Variants in NSL1 observed in about 807,000 individuals in gnomAD.
The protein encoded by NSL1 is NSL1 component of MIS12 kinetochore complex.
A neutral mutation model predicts 25.4 loss-of-function variants in NSL1; 11 were observed. That is an observed-to-expected ratio of 0.43 (90% CI 0.27 to 0.72). The LOEUF (loss-of-function observed/expected upper bound fraction) is 0.72, where lower values mean the gene tolerates loss of function less well. NSL1 is among the 30% of genes least tolerant of loss of function. The pLI is 0.19. For synonymous variants in NSL1, 118 were observed against 120.6 expected (o/e 0.98, Z 0.14); for missense variants, 330 against 342.7 (o/e 0.96, Z 0.29).
chr1:212,779,394 C>A (rs1467275086), intron 4 of NSL1, among the ~76,000 whole-genome samples: 1 of 143,214 alleles, frequency 7.0e-6, no homozygotes, highest in African/African-American at 2.6e-5. Context: ...GGGGTCAGCC[C>A]CCCGCCCGGC....
At chr1:212,761,997 A>G (rs1416013284) in intron 4 of NSL1, among the ~76,000 whole-genome samples, 1 of 146,822 alleles carries the variant, frequency 6.8e-6, no homozygotes, top group Non-Finnish European at 1.5e-5. Flanking sequence ...AAAAAAAATC[A>G]TGTTTTAAGA....
In NSL1 at chr1:212,779,321, G is replaced by A. The variant is rs1305574251; in HGVS notation, c.499+3051C>T. 5.7e-4 allele frequency among the ~76,000 whole-genome samples: 81 copies of A among 142,674 alleles called. No individual in the cohort carries two copies. The East Asian group carries it at 0.012, about 21-fold the overall frequency. The allele number at this position is 142,674 out of a possible 152,430, so 93.6% of individuals were successfully genotyped here. ...CCCCGCCCAGCCAGCCGCCCCGTCC[G>A]GGAGGGAGGTGGGGGGGTCAGCCCC... is the stretch of plus-strand genomic sequence containing the variant. On this transcript the variant is annotated intron_variant, in intron 4 of 5. Coordinates refer to ENST00000366977, the MANE Select transcript of NSL1 (RefSeq NM_015471.4).
intron 4 of NSL1, among the ~76,000 whole-genome samples, chr1:212,745,201 T>TGC (rs1658729939): frequency 1.3e-5 from 1 of 78,990 alleles, no homozygotes; most frequent in African/African-American, 7.2e-5. Context: ...TATATATATA[T>TGC]ATGCATATGC....
At position 212,731,391 on chromosome 1, in the gene NSL1, A is replaced by G; in HGVS notation, c.*7017T>C. 2 of 984,032 alleles carry G rather than the reference A, an allele frequency of 2.0e-6. No homozygotes were observed. The highest frequency in any genetic ancestry group is 9.4e-5 in the South Asian group (2 of 21,254). 61.0% of individuals were successfully genotyped at this position (984,032 alleles called of 1,614,324 possible). A position where few individuals can be genotyped will look rare whatever the true frequency, so the allele number is the denominator to read the frequency against. ...GGCAATATGGCGAGACCCCATCTCT[A>G]AAACAAATAAACTAGCCGGGCATGG... On this transcript the variant is annotated 3_prime_UTR_variant, in exon 6 of 6. Transcript: ENST00000366977.
chr1:212,737,838 A>G lies in NSL1; in HGVS notation c.*570T>C. 10 of 985,332 alleles carry G rather than the reference A, an allele frequency of 1.0e-5. No individual in the cohort carries two copies. The highest frequency in any genetic ancestry group is 1.2e-5 in the Non-Finnish European group (10 of 829,850). The allele number at this position is 985,332 out of a possible 1,614,324, so 61.0% of individuals were successfully genotyped here. On this transcript the variant is annotated 3_prime_UTR_variant, in exon 6 of 6. Coordinates refer to ENST00000366977, the MANE Select transcript of NSL1 (RefSeq NM_015471.4). ...ATTGTCTTACACAACAAAAAATCCTAAAGTTAATCTCACAAACCTAAATTA... is the reference window on the plus strand; with the variant it reads ...ATTGTCTTACACAACAAAAAATCCTGAAGTTAATCTCACAAACCTAAATTA...
intron 4 of NSL1, among the ~76,000 whole-genome samples, chr1:212,744,723 A>G (rs1658676488): frequency 6.6e-6 from 1 of 152,234 alleles, no homozygotes; most frequent in Non-Finnish European, 1.5e-5. Flanking sequence ...CTGAAATGAA[A>G]AACTCAGAGG....
intron 4 of NSL1, among the ~76,000 whole-genome samples, chr1:212,770,493 C>CAA (rs142897735): frequency 6.6e-6 from 1 of 151,328 alleles, no homozygotes; most frequent in African/African-American, 2.4e-5. Context: ...AACAAACAAA[C>CAA]AAAAAAACCA....
At chr1:212,769,904 G>T (rs896360222) in intron 4 of NSL1, among the ~76,000 whole-genome samples, 6 of 152,060 alleles carry the variant, frequency 3.9e-5, no homozygotes, top group African/African-American at 1.4e-4. Flanking sequence ...ACAAATAATA[G>T]CTTAATGGAT....
At chr1:212,766,279 A>C (rs1659812966) in intron 4 of NSL1, 1 of 625,994 alleles carries the variant, frequency 1.6e-6, no homozygotes, top group East Asian at 2.9e-5. Flanking sequence ...GAGAACTGGA[A>C]CAAGACAAAG....
At position 212,729,665 on chromosome 1, in the gene NSL1, C is replaced by T. The variant is rs933213920; in HGVS notation, c.*8743G>A. On this transcript the variant is annotated 3_prime_UTR_variant, in exon 6 of 6. Coordinates refer to ENST00000366977, the MANE Select transcript of NSL1 (RefSeq NM_015471.4). ...AGAGAATTCGAACACTTATTTTAACCTTTTCACCAAATTTTTGTCAGAGAA... is the reference window on the plus strand; with the variant it reads ...AGAGAATTCGAACACTTATTTTAACTTTTTCACCAAATTTTTGTCAGAGAA... The T allele has an allele frequency of 5.1e-6, 5 of 985,296 alleles. No homozygotes were observed. In the African/African-American group the frequency reaches 8.7e-5, roughly 17 times the overall value. 61.0% of individuals were successfully genotyped at this position (985,296 alleles called of 1,614,324 possible).
Position 212,733,928 on chromosome 1 carries a change from G to A in NSL1, c.*4480C>T, listed in dbSNP as rs1003653166. Among the ~76,000 whole-genome samples, 1 of 152,094 alleles carries A rather than the reference G, an allele frequency of 6.6e-6. No individual in the cohort carries two copies. The highest frequency in any genetic ancestry group is 1.9e-4 in the East Asian group (1 of 5,198). On this transcript the variant is annotated 3_prime_UTR_variant, in exon 6 of 6. Coordinates refer to ENST00000366977, the MANE Select transcript of NSL1 (RefSeq NM_015471.4). ...CTGGAATGGGTATCGATTAGACTTTGAACTTTATGAACTTATTCTCTTTAT... is the reference window on the plus strand; with the variant it reads ...CTGGAATGGGTATCGATTAGACTTTAAACTTTATGAACTTATTCTCTTTAT...
Position 212,728,415 on chromosome 1 carries a change from T to TA in NSL1, c.*9992dup, listed in dbSNP as rs1371846113. ...CCTTTTACCCAATCTGGGACACTAT[T>TA]ACAGTTGTGGCTTTACTCAATCTCT... On this transcript the variant is annotated 3_prime_UTR_variant, in exon 6 of 6. Coordinates refer to ENST00000366977, the MANE Select transcript of NSL1 (RefSeq NM_015471.4). 2.0e-6 allele frequency: 2 copies of TA among 985,326 alleles called. No homozygotes were observed. The highest frequency in any genetic ancestry group is 2.3e-4 in the East Asian group (2 of 8,834). 61.0% of individuals were successfully genotyped at this position (985,326 alleles called of 1,614,324 possible). A position where few individuals can be genotyped will look rare whatever the true frequency, so the allele number is the denominator to read the frequency against.
intron 4 of NSL1, among the ~76,000 whole-genome samples, chr1:212,745,829 G>A (rs1658765610): frequency 6.6e-6 from 1 of 152,156 alleles, no homozygotes; most frequent in Admixed American, 6.5e-5. Context: ...GCTGGGCTTG[G>A]TGGCACATGC....
At chr1:212,751,646 TTTC>T (rs988250877) in intron 4 of NSL1, among the ~76,000 whole-genome samples, 7 of 152,356 alleles carry the variant, frequency 4.6e-5, no homozygotes, top group Middle Eastern at 3.4e-3. Flanking sequence ...GGTACCTTTT[TTTC>T]TTTTTAAATG....
Position 212,727,354 on chromosome 1 carries a change from A to G in NSL1, c.*11054T>C. 1.0e-6 allele frequency: 1 copy of G among 985,378 alleles called. No individual in the cohort carries two copies. Among genetic ancestry groups the G allele is most frequent in the Non-Finnish European group, 1.2e-6 (1 of 829,884 alleles). The allele number at this position is 985,378 out of a possible 1,614,324, so 61.0% of individuals were successfully genotyped here. On this transcript the variant is annotated 3_prime_UTR_variant, in exon 6 of 6. Transcript: ENST00000366977. ...GGCAGTAAGTCCTGGCACTCAGCAC[A>G]TGGCAGGAAGGTCACTTAACCAGGG...
Position 212,732,163 on chromosome 1 carries a change from A to G in NSL1, c.*6245T>C, listed in dbSNP as rs1273311127. On this transcript the variant is annotated 3_prime_UTR_variant, in exon 6 of 6. Transcript: ENST00000366977. ...TTGTACAGCTTTCTGCCTCTACTGT[A>G]GTGAATAACTGCCTTATTTTTTGTT... 1 of 984,580 alleles carries G rather than the reference A, an allele frequency of 1.0e-6. No homozygotes were observed. Among genetic ancestry groups the G allele is most frequent in the Non-Finnish European group, 1.2e-6 (1 of 829,592 alleles). The allele number at this position is 984,580 out of a possible 1,614,324, so 61.0% of individuals were successfully genotyped here.
rs1349620894 is a variant in NSL1, at chr1:212,766,174, A to C, written c.499+16198T>G. 8.6e-5 allele frequency: 52 copies of C among 607,944 alleles called. No homozygotes were observed. In the East Asian group the frequency reaches 1.5e-3, roughly 18 times the overall value. The allele number at this position is 607,944 out of a possible 1,614,324, so 37.7% of individuals were successfully genotyped here. A position where few individuals can be genotyped will look rare whatever the true frequency, so the allele number is the denominator to read the frequency against. ...CAAAAAAACCCTCAACAAACTAGGCAAAGAAGAGACTTACCTCGAAGTAAT... is the reference window on the plus strand; with the variant it reads ...CAAAAAAACCCTCAACAAACTAGGCCAAGAAGAGACTTACCTCGAAGTAAT... On this transcript the variant is annotated intron_variant, in intron 4 of 5. Transcript: ENST00000366977.
At chr1:212,790,400 A>T (rs988076222) in intron 1 of NSL1, among the ~76,000 whole-genome samples, 7 of 152,256 alleles carry the variant, frequency 4.6e-5, no homozygotes, top group African/African-American at 1.7e-4. Context: ...GTGTTGGTTG[A>T]AAACTTTACT....
At position 212,736,546 on chromosome 1, in the gene NSL1, A is replaced by G. The variant is rs530796388; in HGVS notation, c.*1862T>C. On this transcript the variant is annotated 3_prime_UTR_variant, in exon 6 of 6. Transcript: ENST00000366977. ...TTCAATATTATTACTGCTATTGGTC[A>G]TGCTTTTCTTAGTTAATAATGCTAA... 1 of 984,844 alleles carries G rather than the reference A, an allele frequency of 1.0e-6. No individual in the cohort carries two copies. The highest frequency in any genetic ancestry group is 4.7e-5 in the South Asian group (1 of 21,276). The allele number at this position is 984,844 out of a possible 1,614,324, so 61.0% of individuals were successfully genotyped here.
Sources: gnomAD v4.1 joint callset for allele counts (sites outside exome capture counted in the v4.1 genomes callset) on GRCh38, gnomAD v4.1.1 for gene constraint, MANE v1.5 for transcripts, NCBI Gene and HGNC (gene_info 2026-07-23, HGNC 2026-07-21) for gene names.